The following AAK1 variants were observed in gnomAD, a reference collection of about 807,000 sequenced individuals.
AAK1 encodes AP2-associated protein kinase 1.
AAK1 carries 37 observed loss-of-function variants against 116.0 expected under a neutral mutation model. The observed-to-expected ratio is 0.32, with a 90% CI of 0.25 to 0.42. The LOEUF (loss-of-function observed/expected upper bound fraction) is 0.42, where lower values mean the gene tolerates loss of function less well. Ranked by LOEUF, AAK1 falls within the 10% of genes least tolerant of loss-of-function variation. The pLI is 1.00. For missense variants in AAK1, 919 were observed against 1,170.6 expected (o/e 0.79, Z 3.14); for synonymous variants, 458 against 439.9 (o/e 1.04, Z -0.51).
intron 2 of AAK1, among the ~76,000 whole-genome samples, chr2:69,562,112 TA>T (rs1406708521): frequency 2.0e-5 from 3 of 152,234 alleles, no homozygotes; most frequent in Admixed American, 1.3e-4. Flanking sequence ...TGTTGGGTCA[TA>T]TGCCAAGTGA....
In AAK1 at chr2:69,511,741, T is replaced by G. The variant is rs531912246; in HGVS notation, c.1777-2281A>C. 7.2e-5 allele frequency among the ~76,000 whole-genome samples: 11 copies of G among 152,322 alleles called. No individual in the cohort carries two copies. The East Asian group carries it at 9.6e-4, about 13-fold the overall frequency. On this transcript the variant is annotated intron_variant, in intron 13 of 21. Transcript: ENST00000409085. ...ATTTTACATCCGAAGTTGTTTTGTC[T>G]CGAGGTTGATGGCATAAAGGAAAGG...
intron 16 of AAK1, among the ~76,000 whole-genome samples, chr2:69,505,183 G>A (rs777549219): frequency 6.6e-6 from 1 of 151,832 alleles, no homozygotes; most frequent in Non-Finnish European, 1.5e-5. Context: ...AGCTATAACA[G>A]AATATTTAAT....
chr2:69,573,479 A>T (rs984056063), intron 2 of AAK1, among the ~76,000 whole-genome samples: 10 of 152,224 alleles, frequency 6.6e-5, no homozygotes, highest in African/African-American at 1.9e-4. Flanking sequence ...CATGTCAAAA[A>T]ATATTGAGAA....
At chr2:69,600,732 T>C (rs1337328456) in intron 2 of AAK1, among the ~76,000 whole-genome samples, 1 of 152,200 alleles carries the variant, frequency 6.6e-6, no homozygotes, top group Non-Finnish European at 1.5e-5. Flanking sequence ...GAGGGATGAC[T>C]CCAATTTTAA....
intron 3 of AAK1, among the ~76,000 whole-genome samples, chr2:69,546,971 G>T (rs1200567326): frequency 2.0e-5 from 3 of 152,124 alleles, no homozygotes; most frequent in African/African-American, 4.8e-5. Flanking sequence ...TTATATTATG[G>T]CACAAGATCC....
intron 2 of AAK1, among the ~76,000 whole-genome samples, chr2:69,589,408 G>A (rs1180579948): frequency 2.0e-5 from 3 of 152,044 alleles, no homozygotes; most frequent in Non-Finnish European, 4.4e-5. Flanking sequence ...GTAACTCAAA[G>A]AAAGTAAAGG....
Position 69,469,187 on chromosome 2 carries a change from G to A in AAK1, c.*6682C>T, listed in dbSNP as rs745696105. 1 of 985,406 alleles carries A rather than the reference G, an allele frequency of 1.0e-6. No homozygotes were observed. Among genetic ancestry groups the A allele is most frequent in the South Asian group, 4.7e-5 (1 of 21,276 alleles). 61.0% of individuals were successfully genotyped at this position (985,406 alleles called of 1,614,324 possible). ...GGAGGTACAGTGTGGCTGAGGCGGA[G>A]AGCAACCACACTTTGCAACTCTCCA... On this transcript the variant is annotated 3_prime_UTR_variant, in exon 22 of 22. Transcript: ENST00000409085.
chr2:69,558,740 G>A (rs1489468598), intron 2 of AAK1, among the ~76,000 whole-genome samples: 3 of 152,304 alleles, frequency 2.0e-5, no homozygotes, highest in Middle Eastern at 3.4e-3. Flanking sequence ...ACATAGTACT[G>A]GGTTAGGAGC....
intron 15 of AAK1, 44 bp downstream of exon 15, chr2:69,507,377 G>T (rs1558919254): frequency 1.9e-6 from 3 of 1,591,902 alleles, no homozygotes; most frequent in Admixed American, 1.7e-5. Flanking sequence ...TTAGCACAGA[G>T]AATCTATAAT....
intron 2 of AAK1, among the ~76,000 whole-genome samples, chr2:69,596,137 C>T (rs1166430617): frequency 1.3e-5 from 2 of 152,084 alleles, no homozygotes; most frequent in Non-Finnish European, 2.9e-5. Context: ...AGAGCTCTGA[C>T]GGAGATGCAC....
intron 2 of AAK1, chr2:69,597,829 G>C (rs539717101): frequency 6.0e-6 from 1 of 165,852 alleles, no homozygotes; most frequent in East Asian, 1.6e-4. Flanking sequence ...CCATGATCAT[G>C]CCACACTGTA....
chr2:69,500,690 TATATATATACAC>T (rs1379365407), intron 16 of AAK1, among the ~76,000 whole-genome samples: 16 of 114,076 alleles, frequency 1.4e-4, no homozygotes, highest in African/African-American at 6.1e-4. Context: ...TATATATATA[TATATATATACAC>T]ACACACACAC....
intron 2 of AAK1, among the ~76,000 whole-genome samples, chr2:69,560,722 CCT>C (rs1468418183): frequency 6.6e-6 from 1 of 152,094 alleles, no homozygotes; most frequent in Non-Finnish European, 1.5e-5. Flanking sequence ...TCTTTCTCCC[CCT>C]AATTGTTGAT....
At chr2:69,636,583 A>C (rs970376776) in intron 2 of AAK1, among the ~76,000 whole-genome samples, 1 of 152,240 alleles carries the variant, frequency 6.6e-6, no homozygotes, top group African/African-American at 2.4e-5. Context: ...TGTGATGATG[A>C]AATACATCTC....
chr2:69,493,361 G>C (rs2104926443), intron 17 of AAK1, among the ~76,000 whole-genome samples: 1 of 151,966 alleles, frequency 6.6e-6, no homozygotes, highest in Non-Finnish European at 1.5e-5. Context: ...TCAGCCCAGG[G>C]ACTGGCAGCT....
intron 19 of AAK1, 59 bp downstream of exon 19, chr2:69,480,801 C>CT (rs1675058442): frequency 3.5e-6 from 5 of 1,439,110 alleles, no homozygotes; most frequent in Non-Finnish European, 3.8e-6. Context: ...GGTGAAAAGA[C>CT]TGGCTCAGAG....
chr2:69,604,164 AC>A lies in AAK1; in HGVS notation c.163+38713del, dbSNP rs1289807656. Among the ~76,000 whole-genome samples, 3 of 152,334 alleles carry A rather than the reference AC, an allele frequency of 2.0e-5. No homozygotes were observed. In the East Asian group the frequency reaches 5.8e-4, roughly 29 times the overall value. ...TAGAAACAAAAGCTGCCTTTGATGCACCTCAATGCCTAGCCACCTCACCAGA... is the reference window on the plus strand; with the variant it reads ...TAGAAACAAAAGCTGCCTTTGATGCACTCAATGCCTAGCCACCTCACCAGA... On this transcript the variant is annotated intron_variant, in intron 2 of 21. Transcript: ENST00000409085.
intron 2 of AAK1, among the ~76,000 whole-genome samples, chr2:69,622,380 C>T (rs148110074): frequency 0.029 from 4,362 of 152,122 alleles, 212 homozygotes; most frequent in African/African-American, 0.099. Context: ...ACCCCCTGCT[C>T]CACAGCGCCC....
At position 69,495,901 on chromosome 2, in the gene AAK1, CG is replaced by C. The variant is rs1675719804; in HGVS notation, c.2365+83del. The C allele has an allele frequency of 6.5e-6, 7 of 1,083,746 alleles. No individual in the cohort carries two copies. The South Asian group carries it at 1.1e-4, about 17-fold the overall frequency. 67.1% of individuals were successfully genotyped at this position (1,083,746 alleles called of 1,614,324 possible). On this transcript the variant is annotated intron_variant, in intron 17 of 21. Transcript: ENST00000409085. The stretch of plus-strand genomic sequence containing the variant: ...GGGCTTGGAATTCAGATCCTTTTCA[CG>C]GGGTATTTAAGGCAGAACTTTCTAC...
Sources: gnomAD v4.1 joint callset for allele counts (sites outside exome capture counted in the v4.1 genomes callset) on GRCh38, gnomAD v4.1.1 for gene constraint, MANE v1.5 for transcripts, NCBI Gene and HGNC (gene_info 2026-07-23, HGNC 2026-07-21) for gene names.